MAP4K3: variants seen among roughly 807,000 people sequenced by gnomAD.
MAP4K3 encodes the protein MAPK/ERK kinase kinase kinase 3.
MAP4K3 carries 94 observed loss-of-function variants against 143.5 expected under a neutral mutation model. That is an observed-to-expected ratio of 0.65 (90% CI 0.55 to 0.78). The LOEUF (loss-of-function observed/expected upper bound fraction) is 0.78, where lower values mean the gene tolerates loss of function less well. Ranked by LOEUF, MAP4K3 falls within the 30% of genes least tolerant of loss-of-function variation. The pLI is 0.00. For synonymous variants in MAP4K3, 416 were observed against 347.2 expected (o/e 1.20, Z -2.20); for missense variants, 1,077 against 1,068.1 (o/e 1.01, Z -0.12).
chr2:39,258,725 C>T, intron 29 of MAP4K3, 138 bp from the exon 30 acceptor site: 2 of 687,660 alleles, frequency 2.9e-6, no homozygotes, highest in Non-Finnish European at 5.2e-6. Context: ...GTGACTGAGC[C>T]AGGCTAGTGG....
chr2:39,398,761 T>C (rs1029289114), intron 1 of MAP4K3, among the ~76,000 whole-genome samples: 2 of 149,374 alleles, frequency 1.3e-5, no homozygotes, highest in Admixed American at 6.7e-5. Context: ...ATGATAATAA[T>C]TGGCCAGGCA....
chr2:39,366,116 T>C (rs999191972), intron 2 of MAP4K3, among the ~76,000 whole-genome samples: 3 of 152,108 alleles, frequency 2.0e-5, no homozygotes, highest in Non-Finnish European at 4.4e-5. Flanking sequence ...CAATGGCCCA[T>C]GAAAGAGTCC....
chr2:39,377,415 G>A (rs1426032516), intron 2 of MAP4K3, among the ~76,000 whole-genome samples: 1 of 151,964 alleles, frequency 6.6e-6, no homozygotes, highest in African/African-American at 2.4e-5. Context: ...GAGAAAGAGT[G>A]GGAAGGGGTT....
intron 6 of MAP4K3, among the ~76,000 whole-genome samples, chr2:39,335,505 C>G (rs1664917048): frequency 6.6e-6 from 1 of 152,200 alleles, no homozygotes; most frequent in South Asian, 2.1e-4. Context: ...TCTAATTAGT[C>G]TCATACATTC....
chr2:39,255,948 T>C (rs1573058047), intron 31 of MAP4K3, among the ~76,000 whole-genome samples: 1 of 152,242 alleles, frequency 6.6e-6, no homozygotes, highest in Admixed American at 6.5e-5. Context: ...ATTTAAGTCT[T>C]TCTACCCATG....
chr2:39,431,088 T>C (rs1665269681), intron 1 of MAP4K3, among the ~76,000 whole-genome samples: 1 of 152,180 alleles, frequency 6.6e-6, no homozygotes, highest in Admixed American at 6.5e-5. Context: ...TATACTCTAG[T>C]GGGAAGAGAC....
chr2:39,371,188 G>C (rs567375527), intron 2 of MAP4K3, among the ~76,000 whole-genome samples: 1 of 152,028 alleles, frequency 6.6e-6, no homozygotes, highest in Non-Finnish European at 1.5e-5. Flanking sequence ...GAAAAGATAA[G>C]AGTTTTTGTA....
At chr2:39,317,411 T>C (rs1463364268) in intron 12 of MAP4K3, among the ~76,000 whole-genome samples, 1 of 151,746 alleles carries the variant, frequency 6.6e-6, no homozygotes, top group Non-Finnish European at 1.5e-5. Flanking sequence ...AATTGACAAA[T>C]GGGATCTAAT....
At chr2:39,285,308 T>A (rs1046154769) in intron 21 of MAP4K3, among the ~76,000 whole-genome samples, 1 of 152,178 alleles carries the variant, frequency 6.6e-6, no homozygotes, top group Non-Finnish European at 1.5e-5. Flanking sequence ...CTTATCTTAA[T>A]GAAGTAAGTT....
chr2:39,292,048 A>G (rs1377260958), intron 18 of MAP4K3, among the ~76,000 whole-genome samples: 1 of 152,170 alleles, frequency 6.6e-6, no homozygotes, highest in Non-Finnish European at 1.5e-5. Context: ...TAAAAAAAAA[A>G]AAGTAAACAT....
chr2:39,309,719 G>A (rs1206037650), intron 13 of MAP4K3, among the ~76,000 whole-genome samples, 200 bp from the exon 14 acceptor site: 4 of 151,340 alleles, frequency 2.6e-5, no homozygotes, highest in Non-Finnish European at 4.4e-5. Context: ...CACCACGCCC[G>A]GCTGATTTTT....
In MAP4K3 at chr2:39,297,103, T is replaced by TA. The variant is rs1682312904; in HGVS notation, c.1178+2639dup. Among the ~76,000 whole-genome samples the TA allele has an allele frequency of 8.5e-5, 13 of 152,134 alleles. No individual in the cohort carries two copies. The South Asian group carries it at 2.7e-3, about 32-fold the overall frequency. ...GCCCTAAATTAAAACAAAACATAAA[T>TA]AATTTAATGTTTTCTTTTCTTTTTT... is the stretch of plus-strand genomic sequence containing the variant. On this transcript the variant is annotated intron_variant, in intron 16 of 33. Coordinates refer to ENST00000263881, the MANE Select transcript of MAP4K3 (RefSeq NM_003618.4).
chr2:39,424,125 G>A (rs561520393), intron 1 of MAP4K3, among the ~76,000 whole-genome samples: 6 of 152,138 alleles, frequency 3.9e-5, no homozygotes, highest in South Asian at 2.1e-4. Flanking sequence ...TATATTTTTC[G>A]TAGAGACAGG....
chr2:39,264,461 A>T (rs1194422708), intron 28 of MAP4K3, among the ~76,000 whole-genome samples: 1 of 152,224 alleles, frequency 6.6e-6, no homozygotes, highest in Non-Finnish European at 1.5e-5. Flanking sequence ...TTTAAACAAC[A>T]GGGAGTCAAT....
intron 16 of MAP4K3, among the ~76,000 whole-genome samples, chr2:39,299,501 G>GT (rs1682422077): frequency 6.6e-6 from 1 of 152,074 alleles, no homozygotes; most frequent in African/African-American, 2.4e-5. Context: ...AATACATGTG[G>GT]TTTTCTCTAA....
At chr2:39,284,349 T>C (rs973749096) in intron 21 of MAP4K3, among the ~76,000 whole-genome samples, 4 of 151,950 alleles carry the variant, frequency 2.6e-5, no homozygotes, top group Non-Finnish European at 5.9e-5. Context: ...GTAGTAGAGA[T>C]GGGGTTTTAC....
At chr2:39,254,201 C>T (rs1195737215) in intron 32 of MAP4K3, among the ~76,000 whole-genome samples, 5 of 152,122 alleles carry the variant, frequency 3.3e-5, no homozygotes, top group African/African-American at 1.2e-4. Flanking sequence ...AGCAGATTAG[C>T]AAGTTCTTGT....
chr2:39,331,153 G>T (rs1350815041), intron 8 of MAP4K3, among the ~76,000 whole-genome samples: 3 of 152,136 alleles, frequency 2.0e-5, no homozygotes. Flanking sequence ...TGAGTCAGAT[G>T]AAGAGGGCAT....
intron 1 of MAP4K3, among the ~76,000 whole-genome samples, chr2:39,426,655 ATTTTAT>A (rs1189691838): frequency 6.6e-6 from 1 of 152,032 alleles, no homozygotes; most frequent in East Asian, 1.9e-4. Context: ...TATGAGAGTT[ATTTTAT>A]TTTTATTATT....
Sources: allele counts gnomAD v4.1 joint callset (sites outside exome capture counted in the v4.1 genomes callset), GRCh38; gene constraint gnomAD v4.1.1; transcripts MANE v1.5; gene names NCBI Gene and HGNC (gene_info 2026-07-23, HGNC 2026-07-21).